The following DOP1B variants were observed in gnomAD, a reference collection of about 807,000 sequenced individuals.
DOP1B encodes DOP1 leucine zipper like protein B, also known as protein DOP1B.
A neutral mutation model predicts 233.5 loss-of-function variants in DOP1B; 174 were observed. The ratio of observed to expected loss-of-function variants is 0.75; its 90% CI spans 0.66 to 0.85. DOP1B has a LOEUF of 0.85. Ranked by LOEUF, DOP1B falls within the 40% of genes least tolerant of loss-of-function variation. The pLI is 0.00. For synonymous variants in DOP1B, 1,190 were observed against 1,185.6 expected (o/e 1.00, Z -0.08); for missense variants, 2,652 against 2,846.6 (o/e 0.93, Z 1.56).
intron 26 of DOP1B, among the ~76,000 whole-genome samples, chr21:36,266,982 G>T (rs1336573333): frequency 6.6e-6 from 1 of 152,052 alleles, no homozygotes; most frequent in Non-Finnish European, 1.5e-5. Flanking sequence ...TAGCCAATTC[G>T]CCACTTCCCT....
chr21:36,227,988 AC>A, intron 13 of DOP1B, 111 bp downstream of exon 13: 1 of 1,103,132 alleles, frequency 9.1e-7, no homozygotes, highest in Non-Finnish European at 1.2e-6. Flanking sequence ...ATGAGAAGAT[AC>A]CCAGGTGATA....
At chr21:36,261,118 A>C (rs1346259081) in intron 24 of DOP1B, 1 of 994,928 alleles carries the variant, frequency 1.0e-6, no homozygotes, top group African/African-American at 1.7e-5. Flanking sequence ...CAATCCCAGC[A>C]CTTTGGGAGG....
At chr21:36,169,320 C>A in intron 2 of DOP1B, 1 of 780,676 alleles carries the variant, frequency 1.3e-6, no homozygotes, top group South Asian at 1.4e-5. Context: ...TAGCCCTGGT[C>A]AATCTTACAG....
chr21:36,207,180 TTTTTC>T (rs1410422054), intron 4 of DOP1B, among the ~76,000 whole-genome samples: 3 of 151,570 alleles, frequency 2.0e-5, no homozygotes, highest in African/African-American at 7.3e-5. Flanking sequence ...TTTTTTTCTT[TTTTTC>T]TTTTCTTTTT....
intron 23 of DOP1B, 81 bp downstream of exon 23, chr21:36,253,990 G>A: frequency 6.6e-7 from 1 of 1,508,862 alleles, no homozygotes. Context: ...TATAAATCGT[G>A]TTTGGGAGGG....
chr21:36,287,214 C>T (rs2067495177), intron 32 of DOP1B, among the ~76,000 whole-genome samples: 1 of 152,098 alleles, frequency 6.6e-6, no homozygotes, highest in Non-Finnish European at 1.5e-5. Flanking sequence ...AAGTTTTTGT[C>T]ATGGCCATCA....
chr21:36,234,161 T>C (rs997079864), intron 15 of DOP1B, among the ~76,000 whole-genome samples: 3 of 152,026 alleles, frequency 2.0e-5, no homozygotes, highest in Admixed American at 6.6e-5. Flanking sequence ...CCCAGCTGCT[T>C]ATTGACTTTT....
At chr21:36,175,687 G>A (rs1466256634) in intron 2 of DOP1B, 1 of 152,294 alleles carries the variant, frequency 6.6e-6, no homozygotes, top group Non-Finnish European at 1.5e-5. Context: ...CAGCTACTCA[G>A]GAGGCTGAGG....
chr21:36,180,789 G>A lies in DOP1B; in HGVS notation c.138+15918G>A, dbSNP rs567624246. Among the ~76,000 whole-genome samples the A allele has an allele frequency of 7.9e-4, 120 of 152,092 alleles. 1 individual carries two copies. The highest frequency in any genetic ancestry group is 2.8e-3 in the African/African-American group (115 of 41,480). On this transcript the variant is annotated intron_variant, in intron 2 of 36. Coordinates refer to ENST00000691173, the MANE Select transcript of DOP1B (RefSeq NM_001320714.2). ...CCAGCTACTTGAGAGACTGAGGCAT[G>A]AGAATCGCTTGAACCCATGAGGCGG...
chr21:36,226,155 G>A (rs1274787441), intron 12 of DOP1B, among the ~76,000 whole-genome samples: 6 of 152,130 alleles, frequency 3.9e-5, no homozygotes, highest in East Asian at 1.9e-4. Context: ...GTATGCGCTC[G>A]TAATTCCCAG....
intron 15 of DOP1B, among the ~76,000 whole-genome samples, chr21:36,234,699 C>T (rs1300316630): frequency 1.3e-5 from 2 of 152,092 alleles, no homozygotes; most frequent in African/African-American, 4.8e-5. Context: ...CGCCCTCACA[C>T]CTGGCTAATT....
intron 2 of DOP1B, among the ~76,000 whole-genome samples, chr21:36,189,261 C>A (rs2066202539): frequency 6.6e-6 from 1 of 151,778 alleles, no homozygotes; most frequent in Non-Finnish European, 1.5e-5. Flanking sequence ...TTAGTATTTT[C>A]TTTTAAGGTC....
chr21:36,190,804 G>T (rs2066225226), intron 2 of DOP1B, among the ~76,000 whole-genome samples: 1 of 152,232 alleles, frequency 6.6e-6, no homozygotes, highest in South Asian at 2.1e-4. Context: ...TTTCTGGATA[G>T]TGAAACTGTC....
At chr21:36,165,931 G>A (rs1010684685) in intron 2 of DOP1B, among the ~76,000 whole-genome samples, 8 of 150,630 alleles carry the variant, frequency 5.3e-5, no homozygotes, top group African/African-American at 2.0e-4. Context: ...TGGCCAGGCT[G>A]GTCTCGAACT....
Position 36,246,256 on chromosome 21 carries a change from T to C in DOP1B, c.4276T>C (p.Leu1426=), listed in dbSNP as rs140855309. The C allele has an allele frequency of 2.4e-5, 38 of 1,613,758 alleles. No individual in the cohort carries two copies. In the East Asian group the frequency reaches 2.5e-4, roughly 10 times the overall value. Residue 1426 remains leucine (L), a synonymous_variant, in exon 19 of 37, where the codon TTG becomes CTG. Coordinates refer to ENST00000691173, the MANE Select transcript of DOP1B (RefSeq NM_001320714.2). This position sits in a 1 kb window ranked among gnomAD's most constrained non-coding sequence, Gnocchi z 5.1. ...CCTCTTTGAGGAGAGTCTCATTAAC[T>C]TGGGTCAGGACCAGATCTGGAGTGA... ...DSLFEESLIN[L]GQDQIWSEHP... is the part of the protein sequence containing the mutation.
intron 2 of DOP1B, among the ~76,000 whole-genome samples, chr21:36,186,670 C>T (rs1217895694): frequency 6.6e-6 from 1 of 152,158 alleles, no homozygotes; most frequent in Admixed American, 6.5e-5. Flanking sequence ...CCACCCCCAC[C>T]CCCGGAGTGT....
chr21:36,215,586 G>A (rs994152534), intron 9 of DOP1B, among the ~76,000 whole-genome samples: 11 of 151,708 alleles, frequency 7.3e-5, no homozygotes, highest in African/African-American at 2.7e-4. Context: ...TGTATTTTCA[G>A]TAGAGACAGG....
chr21:36,210,610 A>C (rs2066485180), intron 5 of DOP1B, among the ~76,000 whole-genome samples: 1 of 152,130 alleles, frequency 6.6e-6, no homozygotes, highest in Non-Finnish European at 1.5e-5. Context: ...GCACCACTGC[A>C]CTCCAGCCTG....
In DOP1B at chr21:36,243,370, T is replaced by TC. The variant is rs1409206383; in HGVS notation, c.3068-1678_3068-1677insC. On this transcript the variant is annotated intron_variant, in intron 18 of 36. Transcript: ENST00000691173. ...ACTAATTTTTTTTTCCTTTTCTTCTTTTTTTTTTTTTTTTAAATAGGCAGT... is the reference window on the plus strand; with the variant it reads ...ACTAATTTTTTTTTCCTTTTCTTCTTCTTTTTTTTTTTTTTAAATAGGCAGT... Among the ~76,000 whole-genome samples the TC allele has an allele frequency of 6.8e-5, 9 of 131,676 alleles. No homozygotes were observed. In the South Asian group the frequency reaches 1.1e-3, roughly 16 times the overall value. The allele number at this position is 131,676 out of a possible 152,430, so 86.4% of individuals were successfully genotyped here.
Sources: gnomAD v4.1 joint callset for allele counts (sites outside exome capture counted in the v4.1 genomes callset) on GRCh38, gnomAD v4.1.1 for gene constraint, Gnocchi (gnomAD v3.1) non-coding constraint, MANE v1.5 for transcripts, NCBI Gene and HGNC (gene_info 2026-07-23, HGNC 2026-07-21) for gene names.